EIF3H: variants seen among roughly 807,000 people sequenced by gnomAD.
EIF3H encodes the protein eIF-3-gamma.
In EIF3H, 26 loss-of-function variants were observed where a neutral mutation model predicts 44.2. The ratio of observed to expected loss-of-function variants is 0.59; its 90% CI spans 0.43 to 0.82. The LOEUF is 0.82. Ranked by LOEUF, EIF3H falls within the 40% of genes least tolerant of loss-of-function variation. The probability of loss-of-function intolerance (pLI) is 0.00; values close to 1 mark genes in which losing one functional copy is unlikely to be tolerated. For synonymous variants in EIF3H, 166 were observed against 151.9 expected (o/e 1.09, Z -0.68); for missense variants, 359 against 432.8 (o/e 0.83, Z 1.51).
In EIF3H at chr8:116,753,831, A is replaced by G. The variant is rs139872986; in HGVS notation, c.132+1835T>C. Reference sequence around the variant, plus strand: ...ATATTTGCTAAATAAATGATCTCCAAATAGATTTATGCCACCGACCTGTTG... The same window carrying G: ...ATATTTGCTAAATAAATGATCTCCAGATAGATTTATGCCACCGACCTGTTG... On this transcript the variant is annotated intron_variant, in intron 1 of 7. Coordinates refer to ENST00000521861, the MANE Select transcript of EIF3H (RefSeq NM_003756.3). Among the ~76,000 whole-genome samples, 1,248 of 152,342 alleles carry G rather than the reference A, an allele frequency of 8.2e-3. 19 individuals are homozygous for G. The highest frequency in any genetic ancestry group is 0.028 in the African/African-American group (1,183 of 41,578).
Position 116,655,964 on chromosome 8 carries a change from T to C in EIF3H, c.599A>G (p.Glu200Gly). The change falls in exon 5 of 8, where the codon GAA (glutamate) becomes GGA (glycine). Residue 200 changes from glutamate (E) to glycine (G), a missense_variant. Coordinates refer to ENST00000521861, the MANE Select transcript of EIF3H (RefSeq NM_003756.3). ...TGAATTTTTAATTACAATCGGCACTTCTTCAAACATGTACTCAAAGGTGAT... is the reference window on the plus strand; with the variant it reads ...TGAATTTTTAATTACAATCGGCACTCCTTCAAACATGTACTCAAAGGTGAT... Reference protein sequence around the residue: ...ANITFEYMFEEVPIVIKNSHL... With the variant: ...ANITFEYMFEGVPIVIKNSHL... The C allele has an allele frequency of 6.2e-7, 1 of 1,613,740 alleles. No homozygotes were observed. Among genetic ancestry groups the C allele is most frequent in the South Asian group, 1.1e-5 (1 of 91,070 alleles).
chr8:116,676,033 TTAAG>T (rs1445984074), intron 2 of EIF3H, among the ~76,000 whole-genome samples: 1 of 152,198 alleles, frequency 6.6e-6, no homozygotes, highest in Admixed American at 6.5e-5. Flanking sequence ...AGCTGCTATT[TTAAG>T]TAATAAGTAT....
At chr8:116,754,458 A>G (rs1330200753) in intron 1 of EIF3H, among the ~76,000 whole-genome samples, 1 of 152,230 alleles carries the variant, frequency 6.6e-6, no homozygotes, top group Non-Finnish European at 1.5e-5. Context: ...AAAACATTCC[A>G]AAGTTAATCT....
At chr8:116,708,328 T>C in intron 2 of EIF3H, among the ~76,000 whole-genome samples, 1 of 152,124 alleles carries the variant, frequency 6.6e-6, no homozygotes. Context: ...ATTATTACTA[T>C]GCTAAGGACA....
intron 2 of EIF3H, among the ~76,000 whole-genome samples, chr8:116,699,192 C>T (rs1356087752): frequency 6.6e-6 from 1 of 151,936 alleles, no homozygotes; most frequent in African/African-American, 2.4e-5. Context: ...GGTGTACATG[C>T]CTAAATCCAC....
chr8:116,710,014 A>G (rs1814546590), intron 2 of EIF3H, among the ~76,000 whole-genome samples: 1 of 152,178 alleles, frequency 6.6e-6, no homozygotes, highest in African/African-American at 2.4e-5. Flanking sequence ...TCAGTGTTTC[A>G]TGAGTGGCAC....
chr8:116,702,131 A>G (rs1367989232), intron 2 of EIF3H, among the ~76,000 whole-genome samples: 4 of 152,200 alleles, frequency 2.6e-5, no homozygotes. Context: ...TAATGTCTCA[A>G]CTTACTCTTG....
chr8:116,685,417 A>G (rs988369460), intron 2 of EIF3H, among the ~76,000 whole-genome samples: 2 of 152,184 alleles, frequency 1.3e-5, no homozygotes, highest in African/African-American at 4.8e-5. Context: ...AGCCTCACAC[A>G]GTATTTGGAG....
At chr8:116,658,266 CTG>C (rs1813525874) in intron 3 of EIF3H, 2 of 152,152 alleles carry the variant, frequency 1.3e-5, no homozygotes, top group South Asian at 4.1e-4. Flanking sequence ...ATATGGCAAA[CTG>C]TGAGTGTTTG....
chr8:116,651,055 T>G (rs750454613), intron 5 of EIF3H, among the ~76,000 whole-genome samples: 9 of 152,218 alleles, frequency 5.9e-5, no homozygotes, highest in Non-Finnish European at 1.0e-4. Flanking sequence ...TTCAGGGTGA[T>G]GAGAATGTTC....
At chr8:116,693,113 A>C (rs1229349884) in intron 2 of EIF3H, among the ~76,000 whole-genome samples, 1 of 152,188 alleles carries the variant, frequency 6.6e-6, no homozygotes, top group East Asian at 1.9e-4. Flanking sequence ...CTGAACCCTA[A>C]GTAAGTTTTT....
chr8:116,723,664 A>C (rs543756036), intron 2 of EIF3H, among the ~76,000 whole-genome samples: 1 of 152,236 alleles, frequency 6.6e-6, no homozygotes, highest in Admixed American at 6.5e-5. Context: ...ACATTCTATC[A>C]AAGTTAATGT....
chr8:116,694,472 T>G (rs1030138219), intron 2 of EIF3H, among the ~76,000 whole-genome samples: 7 of 152,216 alleles, frequency 4.6e-5, no homozygotes, highest in African/African-American at 1.7e-4. Context: ...CTTCTCAATT[T>G]GATTAGTAAA....
chr8:116,657,403 T>G, intron 3 of EIF3H, 89 bp from the exon 4 acceptor site: 1 of 916,716 alleles, frequency 1.1e-6, no homozygotes, highest in Non-Finnish European at 1.7e-6. Context: ...CTGTTACATA[T>G]CGCACAATCT....
chr8:116,694,817 T>A (rs1239109585), intron 2 of EIF3H, among the ~76,000 whole-genome samples: 1 of 152,202 alleles, frequency 6.6e-6, no homozygotes, highest in Non-Finnish European at 1.5e-5. Context: ...TGGAGATACA[T>A]ACTACAGGAG....
chr8:116,705,999 G>T lies in EIF3H; in HGVS notation c.289+20017C>A, dbSNP rs73324067. Among the ~76,000 whole-genome samples, 589 of 150,070 alleles carry T rather than the reference G, an allele frequency of 3.9e-3. 6 individuals are homozygous for T. The highest frequency in any genetic ancestry group is 0.013 in the African/African-American group (540 of 40,876). On this transcript the variant is annotated intron_variant, in intron 2 of 7. Coordinates refer to ENST00000521861, the MANE Select transcript of EIF3H (RefSeq NM_003756.3). ...ACTCCAGACACACTTGTTTACAAAG[G>T]TTATCTAGCAGCCATGGATAAACTT...
At chr8:116,683,705 A>T (rs1303903185) in intron 2 of EIF3H, among the ~76,000 whole-genome samples, 1 of 152,226 alleles carries the variant, frequency 6.6e-6, no homozygotes, top group East Asian at 1.9e-4. Context: ...ATATTCACAA[A>T]AAAGACTATA....
At chr8:116,693,001 AAGTAACTT>A (rs2130864791) in intron 2 of EIF3H, among the ~76,000 whole-genome samples, 1 of 152,312 alleles carries the variant, frequency 6.6e-6, no homozygotes, top group African/African-American at 2.4e-5. Flanking sequence ...ATATATGCCA[AAGTAACTT>A]ACTTTGTAGA....
At position 116,705,547 on chromosome 8, in the gene EIF3H, T is replaced by C. The variant is rs939532871; in HGVS notation, c.289+20469A>G. On this transcript the variant is annotated intron_variant, in intron 2 of 7. Transcript: ENST00000521861. ...TGCAATGACAGGGGCACTTCAACAC[T>C]GAGATTTCTTCTCAAAAATCTGTAA... Among the ~76,000 whole-genome samples, 9 of 142,754 alleles carry C rather than the reference T, an allele frequency of 6.3e-5. No individual in the cohort carries two copies. The South Asian group carries it at 7.1e-4, about 11-fold the overall frequency. 93.7% of individuals were successfully genotyped at this position (142,754 alleles called of 152,430 possible).
Sources: allele counts gnomAD v4.1 joint callset (sites outside exome capture counted in the v4.1 genomes callset), GRCh38; gene constraint gnomAD v4.1.1; transcripts MANE v1.5; gene names NCBI Gene and HGNC (gene_info 2026-07-23, HGNC 2026-07-21).